The following HUWE1 variants were observed in gnomAD, a reference collection of about 807,000 sequenced individuals.
The protein encoded by HUWE1 is HECT, UBA and WWE domain containing E3 ubiquitin protein ligase 1, also known as E3 ubiquitin-protein ligase HUWE1.
A neutral mutation model predicts 299.4 loss-of-function variants in HUWE1; 18 were observed. The observed-to-expected ratio is 0.06, with a 90% CI of 0.04 to 0.09. The LOEUF (loss-of-function observed/expected upper bound fraction) is 0.09. Among genes scored for constraint, HUWE1 ranks in the 10% least tolerant of loss-of-function variants. The pLI, the probability that HUWE1 is intolerant of heterozygous loss-of-function variation, is 1.00. For synonymous variants in HUWE1, 1,317 were observed against 1,286.1 expected (o/e 1.02, Z -0.51); for missense variants, 1,832 against 3,462.3 (o/e 0.53, Z 11.82).
chrX:53,670,820 C>T (rs1569514952), intron 3 of HUWE1, among the ~76,000 whole-genome samples: 1 of 111,328 alleles, frequency 9.0e-6, no homozygotes, highest in Non-Finnish European at 1.9e-5. Context: ...ATGTATATGT[C>T]TATGTATATA....
In HUWE1 at chrX:53,544,601, G is replaced by C. The variant is rs1441168477; in HGVS notation, c.11210C>G (p.Thr3737Arg). ...LQVIIQLRDDTRRANKKAKQT... is the reference protein window; with the variant it reads ...LQVIIQLRDDRRRANKKAKQT... ...CTTGGCTTTCTTGTTAGCCCGGCGC[G>C]TGTCGTCCCGGAGCTGGATGATGAC... Residue 3737 changes from threonine (T) to arginine (R), a missense_variant, in exon 72 of 84, where the codon ACG (threonine) becomes AGG (arginine). Thr to Arg is a moderately conservative substitution (Grantham distance 71). Coordinates refer to ENST00000262854, the MANE Select transcript of HUWE1 (RefSeq NM_031407.7). 1 of 1,205,738 alleles carries C rather than the reference G, an allele frequency of 8.3e-7. No individual in the cohort carries two copies. The highest frequency in any genetic ancestry group is 1.1e-6 in the Non-Finnish European group (1 of 894,151).
chrX:53,679,871 C>G (rs1029338155), intron 3 of HUWE1, among the ~76,000 whole-genome samples, 178 bp downstream of exon 3: 6 of 111,319 alleles, frequency 5.4e-5, no homozygotes, highest in Non-Finnish European at 5.7e-5. Context: ...TTAAACAATT[C>G]CCTTTAATTC....
intron 6 of HUWE1, among the ~76,000 whole-genome samples, chrX:53,646,747 G>A (rs1056652855): frequency 9.8e-5 from 11 of 111,835 alleles, no homozygotes; most frequent in Non-Finnish European, 5.6e-5. Context: ...CTCTACTGAA[G>A]ACGTAGGAAA....
chrX:53,618,741 T>C (rs954923589), intron 19 of HUWE1, among the ~76,000 whole-genome samples: 1 of 109,829 alleles, frequency 9.1e-6, no homozygotes. Context: ...TTTCCATTTT[T>C]AGTAGAGATG....
intron 81 of HUWE1, among the ~76,000 whole-genome samples, chrX:53,535,023 A>G (rs1454481830): frequency 1.9e-5 from 2 of 105,678 alleles, no homozygotes; most frequent in Non-Finnish European, 3.9e-5. Flanking sequence ...TGCAAACTCC[A>G]CCTCCCGGGT....
chrX:53,651,272 A>G lies in HUWE1; in HGVS notation c.45+2791T>C, dbSNP rs1217046024. ...GCCATCACCACAATCCAGGTAATAA[A>G]CATATCCATCACCTCCAAGTTTCCT... On this transcript the variant is annotated intron_variant, in intron 4 of 83. Coordinates refer to ENST00000262854, the MANE Select transcript of HUWE1 (RefSeq NM_031407.7). Among the ~76,000 whole-genome samples the G allele has an allele frequency of 7.2e-5, 8 of 110,902 alleles. No individual in the cohort carries two copies. The East Asian group carries it at 2.3e-3, about 31-fold the overall frequency.
intron 2 of HUWE1, chrX:53,680,626 T>C (rs1251375851): frequency 8.9e-6 from 1 of 112,317 alleles, no homozygotes; most frequent in Non-Finnish European, 1.9e-5. Context: ...AGGTTGAACT[T>C]TGCCATTGAA....
In HUWE1 at chrX:53,568,766, G is replaced by A. The variant is rs782663552; in HGVS notation, c.6633C>T (p.Asn2211=). ...CCTTCTTCAGGAAAAGCCGAATGAT[G>A]TTGTTCATGCCATTGTGCTGGGTCT... ...TAKTQHNGMN[N]IIRLFLKKGL... is the part of the protein sequence containing the mutation. The change falls in exon 49 of 84, where the codon AAC becomes AAT. Residue 2211 remains asparagine (N), a synonymous_variant. Transcript: ENST00000262854. 155 of 1,209,187 alleles carry A rather than the reference G, an allele frequency of 1.3e-4. No individual in the cohort carries two copies. The highest frequency in any genetic ancestry group is 1.7e-4 in the Non-Finnish European group (149 of 894,582).
intron 47 of HUWE1, 56 bp downstream of exon 47, chrX:53,573,694 G>T: frequency 1.0e-6 from 1 of 989,578 alleles, no homozygotes; most frequent in Non-Finnish European, 1.4e-6. Context: ...GACACAGGCG[G>T]TACCCAAATG....
Position 53,575,226 on chromosome X carries a change from A to C in HUWE1, c.6031-5T>G. 1.7e-6 allele frequency: 2 copies of C among 1,187,564 alleles called. No homozygotes were observed. Among genetic ancestry groups the C allele is most frequent in the South Asian group, 1.8e-5 (1 of 55,386 alleles). ...ATCTGCAGCAAAGACCTGACTCTGA[A>C]GAAGAAGAAAACTCCTGAGCTATTA... On this transcript the variant is annotated splice_polypyrimidine_tract_variant and splice_region_variant and intron_variant, in intron 45 of 83. Transcript: ENST00000262854.
chrX:53,641,197 T>C (rs1013760681), intron 7 of HUWE1, among the ~76,000 whole-genome samples: 1 of 111,988 alleles, frequency 8.9e-6, no homozygotes, highest in Non-Finnish European at 1.9e-5. Flanking sequence ...AGGTATACTC[T>C]TTCATTTTGC....
Position 53,588,468 on chromosome X carries a change from C to T in HUWE1, c.4528G>A (p.Val1510Met), listed in dbSNP as rs868933180. The T allele has an allele frequency of 5.0e-6, 6 of 1,208,127 alleles. No homozygotes were observed. The highest frequency in any genetic ancestry group is 6.7e-6 in the Non-Finnish European group (6 of 893,536). The change falls in exon 37 of 84, where the codon GTG becomes ATG. Residue 1510 changes from valine (V) to methionine (M), a missense_variant. Coordinates refer to ENST00000262854, the MANE Select transcript of HUWE1 (RefSeq NM_031407.7). ...LPLTTSDTKT[V>M]SEWISQMATL... ...GCCATCTGACTTATCCACTCTGACACGGTTTTTGTGTCACTTGTTGTCAGG... is the reference window on the plus strand; with the variant it reads ...GCCATCTGACTTATCCACTCTGACATGGTTTTTGTGTCACTTGTTGTCAGG...
intron 3 of HUWE1, among the ~76,000 whole-genome samples, chrX:53,678,130 G>T (rs1557051795): frequency 9.0e-6 from 1 of 111,634 alleles, no homozygotes; most frequent in Non-Finnish European, 1.9e-5. Context: ...TCACATTATG[G>T]GATCATTCTA....
rs1408841730 is a variant in HUWE1 at position 53,608,929 on chromosome X, TGA to T, written c.2262-22_2262-21del. The T allele has an allele frequency of 9.9e-7, 1 of 1,006,860 alleles. No homozygotes were observed. Among genetic ancestry groups the T allele is most frequent in the East Asian group, 3.0e-5 (1 of 32,909 alleles). The allele number at this position is 1,006,860 out of a possible 1,213,427, so 83.0% of individuals were successfully genotyped here. ...ACAACCCTGTTAGGGGAGAAAAGAGTGAGTTACACAGAAATTCACAATACCAA... is the reference window on the plus strand; with the variant it reads ...ACAACCCTGTTAGGGGAGAAAAGAGTGTTACACAGAAATTCACAATACCAA... On this transcript the variant is annotated intron_variant, in intron 23 of 83. Coordinates refer to ENST00000262854, the MANE Select transcript of HUWE1 (RefSeq NM_031407.7).
intron 40 of HUWE1, 113 bp downstream of exon 40, chrX:53,584,899 G>T: frequency 3.6e-6 from 3 of 822,375 alleles, no homozygotes; most frequent in Non-Finnish European, 5.5e-6. Context: ...AAGCTAAAAA[G>T]AACAACGACA....
chrX:53,564,846 G>C (rs2062452767), intron 50 of HUWE1, 124 bp from the exon 51 acceptor site: 5 of 938,339 alleles, frequency 5.3e-6, no homozygotes, highest in Non-Finnish European at 7.6e-6. Context: ...GAGAATAAAC[G>C]AATGGGTGAC....
chrX:53,678,005 A>G (rs1406778302), intron 3 of HUWE1, among the ~76,000 whole-genome samples: 1 of 112,246 alleles, frequency 8.9e-6, no homozygotes, highest in Non-Finnish European at 1.9e-5. Flanking sequence ...AGAGTTGAAG[A>G]ATTTTAACAT....
At position 53,536,296 on chromosome X, in the gene HUWE1, G is replaced by A. The variant is rs781930538; in HGVS notation, c.12426-44C>T. The A allele has an allele frequency of 7.0e-6, 8 of 1,147,342 alleles. No homozygotes were observed. The East Asian group carries it at 2.4e-4, about 34-fold the overall frequency. 94.6% of individuals were successfully genotyped at this position (1,147,342 alleles called of 1,213,427 possible). A position where few individuals can be genotyped will look rare whatever the true frequency, so the allele number is the denominator to read the frequency against. On this transcript the variant is annotated intron_variant, in intron 79 of 83. Coordinates refer to ENST00000262854, the MANE Select transcript of HUWE1 (RefSeq NM_031407.7). ...ACAGGGTCATGGTTTGCGAGTGGGGGGGAAGAAGGAGCACAAGGATGGGAC... is the reference window on the plus strand; with the variant it reads ...ACAGGGTCATGGTTTGCGAGTGGGGAGGAAGAAGGAGCACAAGGATGGGAC...
At chrX:53,560,104 T>A in intron 56 of HUWE1, 84 bp downstream of exon 56, 2 of 788,748 alleles carry the variant, frequency 2.5e-6, no homozygotes, top group Non-Finnish European at 3.8e-6. Flanking sequence ...GATGGACTAT[T>A]TCCCCCAAGG....
Sources: gnomAD v4.1 joint callset for allele counts (sites outside exome capture counted in the v4.1 genomes callset) on GRCh38, gnomAD v4.1.1 for gene constraint, MANE v1.5 for transcripts, NCBI Gene and HGNC (gene_info 2026-07-23, HGNC 2026-07-21) for gene names.